The following FNDC3A variants were observed in gnomAD, a reference collection of about 807,000 sequenced individuals.
FNDC3A encodes fibronectin type III domain containing 3A, also known as fibronectin type-III domain-containing protein 3A.
A neutral mutation model predicts 148.9 loss-of-function variants in FNDC3A; 32 were observed. The observed-to-expected ratio is 0.21, with a 90% CI of 0.16 to 0.29. The LOEUF (loss-of-function observed/expected upper bound fraction) is 0.29, where lower values mean the gene tolerates loss of function less well. FNDC3A is among the 10% of genes least tolerant of loss of function. The pLI is 1.00. For synonymous variants in FNDC3A, 472 were observed against 473.6 expected (o/e 1.00, Z 0.04); for missense variants, 1,191 against 1,452.8 (o/e 0.82, Z 2.93).
intron 4 of FNDC3A, among the ~76,000 whole-genome samples, chr13:49,125,086 C>G (rs1208600443): frequency 1.3e-5 from 2 of 152,054 alleles, no homozygotes; most frequent in African/African-American, 2.4e-5. Flanking sequence ...GGGAAAGAAA[C>G]TATATCGACT....
At chr13:49,045,117 TTCTTTC>T (rs1189828433) in intron 2 of FNDC3A, 2 of 190,056 alleles carry the variant, frequency 1.1e-5, no homozygotes. Context: ...CTTTCCTTTT[TTCTTTC>T]CCTTTCCCTT....
chr13:49,144,004 ACTACTACTGCTACTACTACTACTACTAC>A (rs1369281312), intron 7 of FNDC3A, among the ~76,000 whole-genome samples: 6 of 149,812 alleles, frequency 4.0e-5, no homozygotes, highest in African/African-American at 1.5e-4. Context: ...TACTACTACT[ACTACTACTGCTACTACTACTACTACTAC>A]TAATAATAAT....
chr13:49,114,851 A>G (rs1347941588), intron 4 of FNDC3A, 120 bp downstream of exon 4: 7 of 760,836 alleles, frequency 9.2e-6, no homozygotes, highest in East Asian at 2.5e-5. Flanking sequence ...AGTGTTGTGT[A>G]TCTATCATAA....
At chr13:49,059,528 G>A (rs1009017545) in intron 2 of FNDC3A, among the ~76,000 whole-genome samples, 56 of 152,098 alleles carry the variant, frequency 3.7e-4, no homozygotes, top group African/African-American at 1.2e-3. Context: ...TGATCATGGC[G>A]CACTGCAACC....
chr13:49,175,261 A>G, intron 12 of FNDC3A, 106 bp from the exon 13 acceptor site: 1 of 644,624 alleles, frequency 1.6e-6, no homozygotes, highest in Non-Finnish European at 2.5e-6. Context: ...ATTATAATTC[A>G]TTATCAAAAC....
At position 49,006,306 on chromosome 13, in the gene FNDC3A, G is replaced by A; in HGVS notation, c.99+17G>A. On this transcript the variant is annotated intron_variant, in intron 2 of 25. Transcript: ENST00000492622. ...ACACAACAGGTAAGAAAACTGAAAT[G>A]TTTATTTCTTTATGTCTAATACACA... is the stretch of plus-strand genomic sequence containing the variant. 4.8e-6 allele frequency: 7 copies of A among 1,451,700 alleles called. No individual in the cohort carries two copies. The highest frequency in any genetic ancestry group is 1.2e-5 in the South Asian group (1 of 86,688). The allele number at this position is 1,451,700 out of a possible 1,614,324, so 89.9% of individuals were successfully genotyped here.
chr13:48,988,117 A>T (rs1486046608), intron 1 of FNDC3A: 1 of 152,232 alleles, frequency 6.6e-6, no homozygotes, highest in Non-Finnish European at 1.5e-5. Context: ...ATAAATATGT[A>T]TGTGCCCAAT....
chr13:49,164,139 T>A lies in FNDC3A; in HGVS notation c.978-3105T>A, dbSNP rs1884322900. On this transcript the variant is annotated intron_variant, in intron 8 of 25. Transcript: ENST00000492622. The stretch of plus-strand genomic sequence containing the variant: ...TATTTCTCCTTCCTCTTCAAAGTTA[T>A]GAAACATAACTTTGTTGGGTATAAT... Among the ~76,000 whole-genome samples, 3 of 152,204 alleles carry A rather than the reference T, an allele frequency of 2.0e-5. No homozygotes were observed. The South Asian group carries it at 6.2e-4, about 32-fold the overall frequency.
intron 24 of FNDC3A, among the ~76,000 whole-genome samples, chr13:49,202,685 T>C (rs1199348662): frequency 6.6e-6 from 1 of 152,188 alleles, no homozygotes; most frequent in African/African-American, 2.4e-5. Flanking sequence ...TCATCAAGTT[T>C]AGTGTCTCTT....
chr13:49,130,267 C>T (rs949158703), intron 4 of FNDC3A, among the ~76,000 whole-genome samples: 3 of 151,436 alleles, frequency 2.0e-5, no homozygotes, highest in Non-Finnish European at 2.9e-5. Context: ...AGCCTCAAAG[C>T]CACAGATATT....
intron 3 of FNDC3A, among the ~76,000 whole-genome samples, chr13:49,096,668 T>C (rs529412714): frequency 3.3e-5 from 5 of 152,222 alleles, no homozygotes; most frequent in African/African-American, 1.2e-4. Context: ...TTAAGTGCCT[T>C]TTCATGTCCT....
chr13:49,203,475 A>T (rs1886511805), intron 25 of FNDC3A, among the ~76,000 whole-genome samples, 191 bp downstream of exon 25: 1 of 152,208 alleles, frequency 6.6e-6, no homozygotes, highest in South Asian at 2.1e-4. Flanking sequence ...TTATTCATTT[A>T]TCTGATAAGT....
chr13:49,128,126 C>T (rs2137916071), intron 4 of FNDC3A, among the ~76,000 whole-genome samples: 3 of 152,250 alleles, frequency 2.0e-5, no homozygotes. Flanking sequence ...ATGATCCACC[C>T]ACCTCGGCCT....
chr13:49,012,599 A>T (rs1952373603), intron 2 of FNDC3A, among the ~76,000 whole-genome samples: 1 of 152,072 alleles, frequency 6.6e-6, no homozygotes, highest in Non-Finnish European at 1.5e-5. Flanking sequence ...TTTGATTTAG[A>T]TTGCCTTGAA....
chr13:49,031,037 G>A (rs776429270), intron 2 of FNDC3A, among the ~76,000 whole-genome samples: 1 of 152,152 alleles, frequency 6.6e-6, no homozygotes, highest in Non-Finnish European at 1.5e-5. Flanking sequence ...ACACAGAATA[G>A]CCAAAATAAT....
chr13:49,203,193 A>G lies in FNDC3A; in HGVS notation c.3191A>G (p.Glu1064Gly). 1.2e-6 allele frequency: 2 copies of G among 1,603,676 alleles called. No individual in the cohort carries two copies. Among genetic ancestry groups the G allele is most frequent in the Non-Finnish European group, 1.7e-6 (2 of 1,171,636 alleles). The change falls in exon 25 of 26, where the codon GAA becomes GGA. Residue 1064 changes from glutamate to glycine, a missense_variant. Coordinates refer to ENST00000492622, the MANE Select transcript of FNDC3A (RefSeq NM_001079673.2). Reference sequence around the variant, plus strand: ...GAGAAAGTAAATGATCACATTTGTGAAATTACATGGGAGTGTTTACAGCCA... The same window carrying G: ...GAGAAAGTAAATGATCACATTTGTGGAATTACATGGGAGTGTTTACAGCCA... ...KIEKVNDHIC[E>G]ITWECLQPMK...
intron 3 of FNDC3A, among the ~76,000 whole-genome samples, chr13:49,081,362 TAGAC>T (rs1359534356): frequency 5.9e-5 from 9 of 152,230 alleles, no homozygotes; most frequent in Non-Finnish European, 1.2e-4. Context: ...TATTATGTTT[TAGAC>T]AGACAAGCAA....
chr13:49,168,269 T>A (rs1884580185), intron 9 of FNDC3A, among the ~76,000 whole-genome samples: 1 of 152,216 alleles, frequency 6.6e-6, no homozygotes, highest in African/African-American at 2.4e-5. Context: ...AATCATGAAT[T>A]TAATTCTGTG....
chr13:48,995,191 A>G (rs1006566795), intron 1 of FNDC3A, among the ~76,000 whole-genome samples: 2 of 152,194 alleles, frequency 1.3e-5, no homozygotes, highest in Non-Finnish European at 2.9e-5. Context: ...CTGAGATTAC[A>G]GTCGTGAGCC....
Sources: allele counts gnomAD v4.1 joint callset (sites outside exome capture counted in the v4.1 genomes callset), GRCh38; gene constraint gnomAD v4.1.1; transcripts MANE v1.5; gene names NCBI Gene and HGNC (gene_info 2026-07-23, HGNC 2026-07-21).